SSUH2: variants seen among roughly 807,000 people sequenced by gnomAD.
SSUH2 encodes protein SSUH2 homolog.
SSUH2 carries 47 observed loss-of-function variants against 55.3 expected under a neutral mutation model. The ratio of observed to expected loss-of-function variants is 0.85; its 90% CI spans 0.67 to 1.08. SSUH2 has a LOEUF of 1.08. SSUH2 is among the 50% of genes least tolerant of loss of function. The probability of loss-of-function intolerance (pLI) is 0.00; values close to 1 mark genes in which losing one functional copy is unlikely to be tolerated. For synonymous variants in SSUH2, 212 were observed against 191.5 expected, an observed-to-expected ratio of 1.11 and a Z score of -0.89; for missense variants, 535 against 490.7, an observed-to-expected ratio of 1.09 and a Z score of -0.85.
intron 4 of SSUH2, 23 bp from the exon 5 acceptor site, chr3:8,632,132 T>C: frequency 1.2e-6 from 2 of 1,601,934 alleles, no homozygotes; most frequent in Admixed American, 3.3e-5. Context: ...AAACAGCATG[T>C]TCACACTCGT....
chr3:8,679,413 TCC>T (rs549247180), intron 2 of SSUH2, among the ~76,000 whole-genome samples: 1 of 121,176 alleles, frequency 8.3e-6, no homozygotes, highest in Non-Finnish European at 1.8e-5. Context: ...CAGCCCCTCT[TCC>T]CCCCCTGGCT....
intron 3 of SSUH2, among the ~76,000 whole-genome samples, chr3:8,673,061 T>C (rs1321893279): frequency 2.0e-5 from 3 of 146,868 alleles, no homozygotes; most frequent in African/African-American, 8.2e-5. Flanking sequence ...TTACCAATAT[T>C]AATATTAATA....
chr3:8,630,885 A>C lies in SSUH2; in HGVS notation c.445T>G (p.Trp149Gly). The change falls in exon 6 of 12, where the codon TGG (tryptophan) becomes GGG (glycine). Residue 149 changes from tryptophan to glycine, a missense_variant. Physicochemically the swap from Trp to Gly is radical, Grantham distance 184. Transcript: ENST00000544814. Reference protein sequence around the residue: ...GPQRGASPRLWDIKVQGPPMF... With the variant: ...GPQRGASPRLGDIKVQGPPMF... ...GGAGGACCTTGAACCTTGATGTCCC[A>C]GAGCCTGGGGGAGGCGCCTCTTTGC... 6.7e-7 allele frequency: 1 copy of C among 1,483,924 alleles called. No homozygotes were observed. The highest frequency in any genetic ancestry group is 1.4e-5 in the African/African-American group (1 of 69,126). 91.9% of individuals were successfully genotyped at this position (1,483,924 alleles called of 1,614,324 possible).
At chr3:8,633,011 T>C (rs538778759) in intron 4 of SSUH2, among the ~76,000 whole-genome samples, 5 of 152,300 alleles carry the variant, frequency 3.3e-5, no homozygotes, top group African/African-American at 1.2e-4. Context: ...AAATTTCCAA[T>C]TTCTCGTCTG....
At chr3:8,673,088 AAT>A (rs1425526073) in intron 3 of SSUH2, among the ~76,000 whole-genome samples, 3 of 152,118 alleles carry the variant, frequency 2.0e-5, no homozygotes, top group Admixed American at 6.5e-5. Context: ...AATCATTGCT[AAT>A]AGTGTTCAGA....
intron 9 of SSUH2, 119 bp from the exon 10 acceptor site, chr3:8,625,766 C>A: frequency 1.5e-6 from 1 of 670,760 alleles, no homozygotes; most frequent in Non-Finnish European, 2.6e-6. Context: ...GACCTTGCAA[C>A]AGTTCTGTAG....
chr3:8,679,353 C>T (rs1313863430), intron 2 of SSUH2, among the ~76,000 whole-genome samples: 1 of 93,646 alleles, frequency 1.1e-5, no homozygotes, highest in African/African-American at 3.2e-5. Flanking sequence ...GCTCTTCCGA[C>T]CCCCATCGCA....
At chr3:8,647,467 A>C (rs1277745504), upstream of SSUH2, among the ~76,000 whole-genome samples, 2 of 152,216 alleles carry the variant, frequency 1.3e-5, no homozygotes, top group East Asian at 3.8e-4. Flanking sequence ...GTCAGGGTAG[A>C]CTGAGTTCAA....
Position 8,627,602 on chromosome 3 carries a change from G to A in SSUH2, c.674+96C>T, listed in dbSNP as rs74609126. 2.2e-3 allele frequency: 2,298 copies of A among 1,043,228 alleles called. 24 individuals carry two copies. The African/African-American group carries it at 0.032, about 15-fold the overall frequency. 64.6% of individuals were successfully genotyped at this position (1,043,228 alleles called of 1,614,324 possible). A position where few individuals can be genotyped will look rare whatever the true frequency, so the allele number is the denominator to read the frequency against. ...AGAGCTCTGGGGACACAGCAGTGAC[G>A]AGACAGATGGGTTCCTGTTTGCCTT... On this transcript the variant is annotated intron_variant, in intron 8 of 11. Transcript: ENST00000544814.
At chr3:8,670,966 G>T in intron 5 of SSUH2, 1 of 389,922 alleles carries the variant, frequency 2.6e-6, no homozygotes, top group South Asian at 1.9e-5. Flanking sequence ...AACATCCCCC[G>T]AGGATATAAC....
intron 10 of SSUH2, among the ~76,000 whole-genome samples, chr3:8,623,992 C>CA (rs781767444): frequency 1.3e-5 from 2 of 152,198 alleles, no homozygotes; most frequent in African/African-American, 4.8e-5. Flanking sequence ...GAAAGGAACT[C>CA]AGATTCATTT....
intron 1 of SSUH2, among the ~76,000 whole-genome samples, chr3:8,639,312 T>C (rs1345757808): frequency 2.0e-5 from 3 of 152,176 alleles, no homozygotes; most frequent in African/African-American, 4.8e-5. Flanking sequence ...CAAAGGGACA[T>C]TGTAGGCATG....
chr3:8,630,664 GTTTA>G (rs1698575406), intron 6 of SSUH2, 137 bp downstream of exon 6: 1 of 766,718 alleles, frequency 1.3e-6, no homozygotes, highest in Non-Finnish European at 1.8e-6. Context: ...ATTAAATTAC[GTTTA>G]TTTATAACCA....
chr3:8,649,822 C>G (rs1428421132), intron 7 of SSUH2, among the ~76,000 whole-genome samples: 1 of 152,174 alleles, frequency 6.6e-6, no homozygotes, highest in Non-Finnish European at 1.5e-5. Context: ...ACTGATCCCT[C>G]TACACCTGTA....
At chr3:8,650,609 ACTT>A (rs1214138917) in intron 7 of SSUH2, among the ~76,000 whole-genome samples, 1 of 152,212 alleles carries the variant, frequency 6.6e-6, no homozygotes, top group Non-Finnish European at 1.5e-5. Flanking sequence ...CTAGACATTT[ACTT>A]CTTCAAAAAC....
intron 3 of SSUH2, among the ~76,000 whole-genome samples, chr3:8,675,882 A>C (rs1416389037): frequency 6.6e-6 from 1 of 152,110 alleles, no homozygotes; most frequent in Non-Finnish European, 1.5e-5. Context: ...CAGAGAGAAA[A>C]GATGGCAGCT....
chr3:8,650,254 C>T (rs902676165), intron 7 of SSUH2, among the ~76,000 whole-genome samples: 11 of 152,212 alleles, frequency 7.2e-5, no homozygotes, highest in African/African-American at 2.7e-4. Context: ...GCACTTACTT[C>T]TATCCAACAC....
Position 8,632,108 on chromosome 3 carries a change from T to C in SSUH2, c.341A>G (p.Tyr114Cys), listed in dbSNP as rs1455578528. The C allele has an allele frequency of 6.2e-7, 1 of 1,613,810 alleles. No individual in the cohort carries two copies. Among genetic ancestry groups the C allele is most frequent in the Non-Finnish European group, 8.5e-7 (1 of 1,179,756 alleles). ...QELKRQTLCR[Y>C]RLETFSESRI... is the part of the protein sequence containing the mutation. ...GGATTCACTAAAGGTCTCCAGACGG[T>C]ACTAAAAGGAAAAAAACAGCATGTT... Residue 114 changes from tyrosine to cysteine, a missense_variant and splice_region_variant, in exon 5 of 12, where the codon TAC becomes TGC. Tyr to Cys is a radical substitution (Grantham distance 194). Coordinates refer to ENST00000544814, the MANE Select transcript of SSUH2 (RefSeq NM_001256748.3).
At chr3:8,662,963 T>C (rs1225756523) in intron 6 of SSUH2, among the ~76,000 whole-genome samples, 7 of 152,254 alleles carry the variant, frequency 4.6e-5, no homozygotes, top group Non-Finnish European at 5.9e-5. Flanking sequence ...ATATCGATGC[T>C]ACTATTCCTA....
Sources: allele counts gnomAD v4.1 joint callset (sites outside exome capture counted in the v4.1 genomes callset), GRCh38; gene constraint gnomAD v4.1.1; transcripts MANE v1.5; gene names NCBI Gene and HGNC (gene_info 2026-07-23, HGNC 2026-07-21).